Variants in LINGO2 observed in about 807,000 individuals in gnomAD.
The protein encoded by LINGO2 is leucine rich repeat and Ig domain containing 2.
LINGO2 carries 14 observed loss-of-function variants against 30.6 expected under a neutral mutation model. The ratio of observed to expected loss-of-function variants is 0.46; its 90% CI spans 0.30 to 0.72. The LOEUF (loss-of-function observed/expected upper bound fraction) is 0.72. LINGO2 is among the 30% of genes least tolerant of loss of function. The probability of loss-of-function intolerance (pLI) is 0.07; values close to 1 mark genes in which losing one functional copy is unlikely to be tolerated. For missense variants in LINGO2, 729 were observed against 751.7 expected (o/e 0.97, Z 0.35); for synonymous variants, 317 against 288.5 (o/e 1.10, Z -1.00).
At chr9:28,429,477 C>T (rs1823558089) in intron 2 of LINGO2, among the ~76,000 whole-genome samples, 1 of 152,074 alleles carries the variant, frequency 6.6e-6, no homozygotes, top group African/African-American at 2.4e-5. Context: ...AGGTCCATTT[C>T]CTCTTAGCCA....
chr9:28,961,356 G>T, the LINGO2 span, among the ~76,000 whole-genome samples: 3 of 151,968 alleles, frequency 2.0e-5, no homozygotes, highest in African/African-American at 7.3e-5. Context: ...ATATACTTGG[G>T]GTATATATGG....
intron 4 of LINGO2, among the ~76,000 whole-genome samples, chr9:28,253,513 G>C (rs1822278055): frequency 6.6e-6 from 1 of 152,100 alleles, no homozygotes; most frequent in African/African-American, 2.4e-5. Context: ...GGTATTCTCA[G>C]CAGTAAGCTA....
the LINGO2 span, among the ~76,000 whole-genome samples, chr9:28,797,468 T>C: frequency 1.3e-5 from 2 of 150,728 alleles, no homozygotes; most frequent in Non-Finnish European, 3.0e-5. Flanking sequence ...TCGTGTCCTG[T>C]GATCTCACTG....
chr9:28,481,808 G>A (rs1825979640), intron 1 of LINGO2, among the ~76,000 whole-genome samples: 1 of 142,324 alleles, frequency 7.0e-6, no homozygotes, highest in African/African-American at 2.6e-5. Flanking sequence ...AGAGTGTGAT[G>A]TTCCCCTTCT....
chr9:28,800,170 T>G, the LINGO2 span, among the ~76,000 whole-genome samples: 4,578 of 152,128 alleles, frequency 0.03, 231 homozygotes, highest in African/African-American at 0.1. Flanking sequence ...TATATCAACA[T>G]AGGTTCCTCG....
At chr9:28,041,417 C>G (rs1824192669) in intron 4 of LINGO2, among the ~76,000 whole-genome samples, 1 of 152,112 alleles carries the variant, frequency 6.6e-6, no homozygotes, top group African/African-American at 2.4e-5. Context: ...GTGTATAAAA[C>G]CTGCTCTGAA....
intron 4 of LINGO2, among the ~76,000 whole-genome samples, chr9:28,250,681 C>A (rs1209796924): frequency 6.6e-6 from 1 of 152,208 alleles, no homozygotes; most frequent in Non-Finnish European, 1.5e-5. Context: ...TAACCCCTCA[C>A]CAGAGCTACG....
the LINGO2 span, among the ~76,000 whole-genome samples, chr9:28,864,421 C>G: frequency 6.6e-6 from 1 of 151,962 alleles, no homozygotes; most frequent in African/African-American, 2.4e-5. Context: ...GAAAAACAAA[C>G]AATAAAGTTA....
chr9:28,670,429 A>T (rs1262555815), upstream of LINGO2: 1 of 152,154 alleles, frequency 6.6e-6, no homozygotes, highest in African/African-American at 2.4e-5. Context: ...GCTTTTGTTA[A>T]ATGTGCAATA....
the LINGO2 span, among the ~76,000 whole-genome samples, chr9:28,967,893 A>C: frequency 1.3e-5 from 2 of 152,208 alleles, no homozygotes; most frequent in South Asian, 4.1e-4. Context: ...GATCATTTTC[A>C]AATAAGTTTT....
chr9:28,828,243 C>T, the LINGO2 span, among the ~76,000 whole-genome samples: 2 of 151,800 alleles, frequency 1.3e-5, no homozygotes, highest in Admixed American at 1.3e-4. Context: ...CTTTTTCATA[C>T]CATTTGGCAA....
At chr9:27,966,078 T>A (rs1483358850) in intron 5 of LINGO2, among the ~76,000 whole-genome samples, 1 of 152,116 alleles carries the variant, frequency 6.6e-6, no homozygotes, top group Non-Finnish European at 1.5e-5. Flanking sequence ...TTTATTATTA[T>A]TATCACTATT....
the LINGO2 span, among the ~76,000 whole-genome samples, chr9:28,996,043 A>G: frequency 6.6e-6 from 1 of 151,894 alleles, no homozygotes; most frequent in East Asian, 1.9e-4. Flanking sequence ...TATTCAAGCA[A>G]TATTCAAAAA....
chr9:28,583,950 G>C (rs1000980666), intron 1 of LINGO2, among the ~76,000 whole-genome samples: 38 of 151,984 alleles, frequency 2.5e-4, no homozygotes. Context: ...TCATGGAAGT[G>C]GGCTCTTGAT....
the LINGO2 span, among the ~76,000 whole-genome samples, chr9:28,764,980 T>C: frequency 6.6e-6 from 1 of 151,890 alleles, no homozygotes; most frequent in Admixed American, 6.6e-5. Context: ...TATACTTTCA[T>C]AAAGGAAATG....
At chr9:28,591,147 G>A (rs889169904) in intron 1 of LINGO2, among the ~76,000 whole-genome samples, 3 of 151,748 alleles carry the variant, frequency 2.0e-5, no homozygotes, top group Non-Finnish European at 4.4e-5. Context: ...CTCACACACT[G>A]GGGCCTGTTG....
the LINGO2 span, among the ~76,000 whole-genome samples, chr9:28,707,742 G>A: frequency 6.6e-6 from 1 of 152,018 alleles, no homozygotes; most frequent in African/African-American, 2.4e-5. Context: ...TTAGGGGGCT[G>A]TATCAGTATT....
chr9:28,233,030 TTATA>T (rs1554690875), intron 4 of LINGO2, among the ~76,000 whole-genome samples: 856 of 77,650 alleles, frequency 0.011, 41 homozygotes, highest in Non-Finnish European at 8.0e-3. Context: ...ACAGTAAACA[TTATA>T]TATATATATA....
intron 4 of LINGO2, among the ~76,000 whole-genome samples, chr9:28,251,775 T>TG (rs1456948609): frequency 6.6e-6 from 1 of 151,560 alleles, no homozygotes; most frequent in Non-Finnish European, 1.5e-5. Flanking sequence ...GAATTCAGAG[T>TG]GAAAAAAAAC....
Sources: allele counts gnomAD v4.1 joint callset (sites outside exome capture counted in the v4.1 genomes callset), GRCh38; gene constraint gnomAD v4.1.1; transcripts MANE v1.5; gene names NCBI Gene and HGNC (gene_info 2026-07-23, HGNC 2026-07-21).